DZANK1: variants seen among roughly 807,000 people sequenced by gnomAD.
The protein encoded by DZANK1 is double zinc ribbon and ankyrin repeat-containing protein 1.
A neutral mutation model predicts 94.5 loss-of-function variants in DZANK1; 91 were observed. That is an observed-to-expected ratio of 0.96 (90% CI 0.81 to 1.15). The LOEUF (loss-of-function observed/expected upper bound fraction) is 1.15, where lower values mean the gene tolerates loss of function less well. DZANK1 is among the 50% of genes most tolerant of loss of function. DZANK1 has a pLI of 0.00. For synonymous variants in DZANK1, 312 were observed against 325.3 expected (o/e 0.96, Z 0.44); for missense variants, 903 against 916.4 (o/e 0.99, Z 0.19).
chr20:18,461,006 G>A (rs1292831061), intron 2 of DZANK1, among the ~76,000 whole-genome samples: 1 of 152,180 alleles, frequency 6.6e-6, no homozygotes, highest in Non-Finnish European at 1.5e-5. Context: ...ACTTCTGCTA[G>A]GTTGGATACA....
chr20:18,423,120 T>C (rs1329929557), intron 10 of DZANK1, among the ~76,000 whole-genome samples: 2 of 152,154 alleles, frequency 1.3e-5, no homozygotes, highest in Non-Finnish European at 2.9e-5. Flanking sequence ...GTGATTTGTA[T>C]TACAAGTGCC....
intron 7 of DZANK1, among the ~76,000 whole-genome samples, chr20:18,447,584 T>G (rs983892322): frequency 2.0e-5 from 3 of 151,978 alleles, no homozygotes; most frequent in South Asian, 2.1e-4. Context: ...CACCTCAGCC[T>G]CCCAAAGTGC....
At chr20:18,395,196 A>G (rs1170420239) in intron 15 of DZANK1, among the ~76,000 whole-genome samples, 1 of 152,172 alleles carries the variant, frequency 6.6e-6, no homozygotes, top group Non-Finnish European at 1.5e-5. Flanking sequence ...CCCCATCTCT[A>G]CTAAAAATAC....
chr20:18,452,787 A>G (rs1269682658), intron 5 of DZANK1, 48 bp from the exon 6 acceptor site: 8 of 1,502,266 alleles, frequency 5.3e-6, no homozygotes, highest in Admixed American at 2.3e-5. Context: ...GTAATTATAC[A>G]TAATCATACA....
At chr20:18,398,909 A>G (rs901452853) in intron 13 of DZANK1, among the ~76,000 whole-genome samples, 2 of 151,920 alleles carry the variant, frequency 1.3e-5, no homozygotes, top group Non-Finnish European at 2.9e-5. Flanking sequence ...AGGCAGGTGG[A>G]TCACTTGAGG....
At chr20:18,428,466 C>T (rs1276799093) in intron 9 of DZANK1, among the ~76,000 whole-genome samples, 3 of 152,062 alleles carry the variant, frequency 2.0e-5, no homozygotes, top group Non-Finnish European at 4.4e-5. Context: ...GGATTACAGG[C>T]GTGAGCCACC....
At chr20:18,401,705 G>T (rs79995352) in intron 13 of DZANK1, among the ~76,000 whole-genome samples, 3,772 of 152,314 alleles carry the variant, frequency 0.025, 155 homozygotes, top group African/African-American at 0.086. Context: ...TGCTGGCTCA[G>T]GTGCTCTGTT....
rs533727364 is a variant in DZANK1, at chr20:18,398,054, A to ATT, written c.1536+467_1536+468dup. On this transcript the variant is annotated intron_variant, in intron 14 of 20. Transcript: ENST00000262547. The stretch of plus-strand genomic sequence containing the variant: ...GAAGACAGTCAAGGAATTTGTGGTT[A>ATT]TTTTTTTTAAAGTGATCACAAAGGT... Among the ~76,000 whole-genome samples the ATT allele has an allele frequency of 4.5e-4, 68 of 152,112 alleles. 2 individuals carry two copies. The highest frequency in any genetic ancestry group is 6.8e-3 in the Middle Eastern group (2 of 294).
intron 7 of DZANK1, among the ~76,000 whole-genome samples, chr20:18,444,454 G>A (rs573413367): frequency 1.3e-5 from 2 of 152,246 alleles, no homozygotes; most frequent in Non-Finnish European, 2.9e-5. Flanking sequence ...GAATACCAGA[G>A]AAGAGCTGCA....
chr20:18,421,102 T>C (rs1253061305), intron 10 of DZANK1: 2 of 156,782 alleles, frequency 1.3e-5, no homozygotes, highest in African/African-American at 4.8e-5. Context: ...CACCTCTTCC[T>C]TCTTAAGGGG....
At chr20:18,433,257 A>G (rs1600994472) in intron 9 of DZANK1, 1 of 220,872 alleles carries the variant, frequency 4.5e-6, no homozygotes, top group East Asian at 1.4e-4. Context: ...TTGTTACCCC[A>G]TCCTGGCGGG....
chr20:18,426,706 C>T (rs922046234), intron 10 of DZANK1, among the ~76,000 whole-genome samples: 76 of 152,186 alleles, frequency 5.0e-4, no homozygotes, highest in African/African-American at 1.6e-3. Context: ...ACAGAGTCAA[C>T]GAAGACAATG....
exon 21 of DZANK1, chr20:18,384,487 A>G: frequency 6.2e-7 from 1 of 1,612,226 alleles, no homozygotes; most frequent in Non-Finnish European, 8.5e-7. Flanking sequence ...TGAGGTGACA[A>G]GGTCATCTCC....
intron 10 of DZANK1, among the ~76,000 whole-genome samples, chr20:18,422,326 C>A (rs2057820125): frequency 6.6e-6 from 1 of 152,138 alleles, no homozygotes; most frequent in African/African-American, 2.4e-5. Flanking sequence ...GTTCTTGGCA[C>A]TTTTGTTGAA....
chr20:18,450,935 CT>C (rs1438534840), intron 6 of DZANK1, among the ~76,000 whole-genome samples: 1 of 151,918 alleles, frequency 6.6e-6, no homozygotes, highest in African/African-American at 2.4e-5. Context: ...ACTGATATGC[CT>C]TTTATTTTTA....
rs771810213 is a variant in DZANK1 at position 18,449,041 on chromosome 20, TGACC to T, written c.568_571del (p.Gly190ArgfsTer4). 1 of 1,613,904 alleles carries T rather than the reference TGACC, an allele frequency of 6.2e-7. No homozygotes were observed. Among genetic ancestry groups the T allele is most frequent in the Admixed American group, 1.7e-5 (1 of 60,006 alleles). ...TATCTCCGTGCTTGTCAAACACTTC[TGACC>T]GCTTACGTGTGCAAAACCGGGGGAC... On this transcript the variant is annotated frameshift_variant, in exon 7 of 21. Transcript: ENST00000262547. LOFTEE classifies it high-confidence loss of function.
intron 2 of DZANK1, among the ~76,000 whole-genome samples, chr20:18,460,589 C>T (rs2059442640): frequency 6.6e-6 from 1 of 152,032 alleles, no homozygotes; most frequent in South Asian, 2.1e-4. Flanking sequence ...ATTAGCCGGG[C>T]GTGGTGGCAG....
At chr20:18,422,109 G>T (rs944350018) in intron 10 of DZANK1, among the ~76,000 whole-genome samples, 4 of 152,014 alleles carry the variant, frequency 2.6e-5, no homozygotes, top group Admixed American at 2.6e-4. Context: ...CCGGTGCTTT[G>T]GGGGTCATAT....
At chr20:18,463,664 C>T (rs951613120) in intron 2 of DZANK1, among the ~76,000 whole-genome samples, 7 of 151,844 alleles carry the variant, frequency 4.6e-5, no homozygotes, top group African/African-American at 1.7e-4. Context: ...CAATAGTCAC[C>T]CAACTTCTCC....
Sources: gnomAD v4.1 joint callset for allele counts (sites outside exome capture counted in the v4.1 genomes callset) on GRCh38, gnomAD v4.1.1 for gene constraint, MANE v1.5 for transcripts, NCBI Gene and HGNC (gene_info 2026-07-23, HGNC 2026-07-21) for gene names.